The following SORBS2 variants were observed in gnomAD, a reference collection of about 807,000 sequenced individuals.
The protein encoded by SORBS2 is sorbin and SH3 domain containing 2.
In SORBS2, 46 loss-of-function variants were observed where a neutral mutation model predicts 97.7. That is an observed-to-expected ratio of 0.47 (90% CI 0.37 to 0.60). The LOEUF (loss-of-function observed/expected upper bound fraction) is 0.60, where lower values mean the gene tolerates loss of function less well. Ranked by LOEUF, SORBS2 falls within the 20% of genes least tolerant of loss-of-function variation. The pLI, the probability that SORBS2 is intolerant of heterozygous loss-of-function variation, is 0.00. For synonymous variants in SORBS2, 476 were observed against 473.4 expected (o/e 1.01, Z -0.07); for missense variants, 1,316 against 1,282.3 (o/e 1.03, Z -0.40).
chr4:185,836,084 G>A (rs538494087), intron 1 of SORBS2, among the ~76,000 whole-genome samples: 2 of 151,954 alleles, frequency 1.3e-5, no homozygotes, highest in South Asian at 2.1e-4. Context: ...TGTAATAAAC[G>A]ATGACCCAGA....
At chr4:185,693,752 G>A (rs1264952231) in intron 2 of SORBS2, among the ~76,000 whole-genome samples, 1 of 152,172 alleles carries the variant, frequency 6.6e-6, no homozygotes, top group African/African-American at 2.4e-5. Flanking sequence ...TCTGCTGACA[G>A]ACAATAATAA....
intron 1 of SORBS2, among the ~76,000 whole-genome samples, chr4:185,902,179 T>C (rs1224021520): frequency 6.6e-6 from 1 of 152,222 alleles, no homozygotes; most frequent in African/African-American, 2.4e-5. Context: ...AAATGTTTCT[T>C]GTGATATCAC....
At chr4:185,896,271 CA>C (rs1397881881) in intron 1 of SORBS2, among the ~76,000 whole-genome samples, 1 of 152,204 alleles carries the variant, frequency 6.6e-6, no homozygotes, top group East Asian at 1.9e-4. Context: ...GAATTAGATA[CA>C]AATCCTCAGA....
At chr4:185,649,291 A>C (rs2097269237) in intron 3 of SORBS2, among the ~76,000 whole-genome samples, 176 bp downstream of exon 12, 1 of 152,242 alleles carries the variant, frequency 6.6e-6, no homozygotes. Context: ...GAAAGAAGAC[A>C]GGGAAAACAT....
At chr4:185,870,762 G>A (rs2099229981) in intron 1 of SORBS2, among the ~76,000 whole-genome samples, 2 of 152,206 alleles carry the variant, frequency 1.3e-5, no homozygotes, top group African/African-American at 2.4e-5. Context: ...TGATGGGAAG[G>A]AGCCCACTGC....
At chr4:185,603,307 G>A (rs1348784659) in intron 12 of SORBS2, among the ~76,000 whole-genome samples, 1 of 151,584 alleles carries the variant, frequency 6.6e-6, no homozygotes, top group African/African-American at 2.4e-5. Flanking sequence ...AGACAGAAGA[G>A]AAAAAAAGAG....
chr4:185,607,011 T>C lies in SORBS2; in HGVS notation c.2796+4769A>G, dbSNP rs1011817998. On this transcript the variant is annotated intron_variant, in intron 12 of 14. Transcript: ENST00000418609. This position sits in a 1 kb window ranked among gnomAD's most constrained non-coding sequence, Gnocchi z 5.2. ...GAGGCTCTGCATGGTAAGGCTGGGCTGCAGCCGAGGCCACACCCGCGTGAG... is the reference window on the plus strand; with the variant it reads ...GAGGCTCTGCATGGTAAGGCTGGGCCGCAGCCGAGGCCACACCCGCGTGAG... The C allele has an allele frequency of 6.9e-5, 70 of 1,008,440 alleles. No individual in the cohort carries two copies. Among genetic ancestry groups the C allele is most frequent in the Non-Finnish European group, 7.6e-5 (64 of 843,692 alleles). 62.5% of individuals were successfully genotyped at this position (1,008,440 alleles called of 1,614,324 possible). A position where few individuals can be genotyped will look rare whatever the true frequency, so the allele number is the denominator to read the frequency against.
intron 1 of SORBS2, among the ~76,000 whole-genome samples, chr4:185,943,597 A>G (rs1007785749): frequency 6.6e-6 from 1 of 152,232 alleles, no homozygotes; most frequent in Admixed American, 6.5e-5. Flanking sequence ...CACAAAGTCA[A>G]TGTCACAGGG....
chr4:185,621,408 C>T (rs2096717531), intron 7 of SORBS2, among the ~76,000 whole-genome samples: 1 of 152,030 alleles, frequency 6.6e-6, no homozygotes, highest in Non-Finnish European at 1.5e-5. Context: ...CATTTCAAAG[C>T]CCTTCCAAGT....
At chr4:185,678,802 C>G (rs1197927579) in exon 3 of SORBS2, 1 of 1,465,344 alleles carries the variant, frequency 6.8e-7, no homozygotes, top group East Asian at 2.6e-5. Context: ...GTACCTGAGT[C>G]TGGTGACTGA....
intron 1 of SORBS2, among the ~76,000 whole-genome samples, chr4:185,804,197 GT>G (rs1321014647): frequency 6.6e-6 from 1 of 152,190 alleles, no homozygotes; most frequent in Non-Finnish European, 1.5e-5. Context: ...GACCAGATCA[GT>G]TTTCTCCTGA....
intron 2 of SORBS2, among the ~76,000 whole-genome samples, chr4:185,705,654 C>T (rs6552910): frequency 0.13 from 20,135 of 150,510 alleles, 2,166 homozygotes; most frequent in African/African-American, 0.29. Flanking sequence ...CTGCTATACA[C>T]TCAGCCTCTA....
At chr4:185,680,689 G>A (rs1561879462) in intron 2 of SORBS2, among the ~76,000 whole-genome samples, 1 of 152,114 alleles carries the variant, frequency 6.6e-6, no homozygotes, top group African/African-American at 2.4e-5. Flanking sequence ...GTGTGTTAGC[G>A]CTGGGGACGA....
chr4:185,713,875 T>C (rs777498112), intron 2 of SORBS2, among the ~76,000 whole-genome samples: 3 of 152,248 alleles, frequency 2.0e-5, no homozygotes, highest in Admixed American at 6.5e-5. Context: ...TTTGTCGTTT[T>C]GTGTGAAACT....
At chr4:185,847,453 T>C (rs2099215209) in intron 1 of SORBS2, among the ~76,000 whole-genome samples, 1 of 152,082 alleles carries the variant, frequency 6.6e-6, no homozygotes, top group Non-Finnish European at 1.5e-5. Flanking sequence ...GCTGAACACA[T>C]GCGTCAATGG....
chr4:185,638,155 C>A, intron 4 of SORBS2: 1 of 1,602,192 alleles, frequency 6.2e-7, no homozygotes, highest in Non-Finnish European at 8.5e-7. Context: ...TGGATTTATG[C>A]GATCAGTCTA....
At chr4:185,630,828 A>G (rs1561531686) in intron 4 of SORBS2, among the ~76,000 whole-genome samples, 2 of 152,182 alleles carry the variant, frequency 1.3e-5, no homozygotes, top group Non-Finnish European at 2.9e-5. Context: ...TTCTCTGTGT[A>G]GCTCAAATTA....
upstream of SORBS2, among the ~76,000 whole-genome samples, chr4:185,659,345 G>A (rs547767608): frequency 1.3e-5 from 2 of 152,030 alleles, no homozygotes; most frequent in Non-Finnish European, 2.9e-5. Context: ...TTGAAGTCCC[G>A]GGTTGTAGTT....
chr4:185,915,275 GT>G (rs1333635693), intron 1 of SORBS2, among the ~76,000 whole-genome samples: 3 of 152,222 alleles, frequency 2.0e-5, no homozygotes, highest in African/African-American at 7.2e-5. Flanking sequence ...ACTGTCCTCA[GT>G]TTTATCTCAT....
Sources: allele counts gnomAD v4.1 joint callset (sites outside exome capture counted in the v4.1 genomes callset), GRCh38; gene constraint gnomAD v4.1.1; non-coding constraint Gnocchi (gnomAD v3.1); transcripts MANE v1.5; gene names NCBI Gene and HGNC (gene_info 2026-07-23, HGNC 2026-07-21).